IFT25: variants seen among roughly 807,000 people sequenced by gnomAD.
IFT25 encodes the protein intraflagellar transport 25, also known as intraflagellar transport protein 25 homolog.
the IFT25 span, chr1:53,928,382 C>A: frequency 1.9e-6 from 3 of 1,611,898 alleles, no homozygotes; most frequent in Non-Finnish European, 2.5e-6. Flanking sequence ...CTTTTTCAAT[C>A]CATTGCTCAA....
the IFT25 span, among the ~76,000 whole-genome samples, chr1:53,914,418 G>A: frequency 6.6e-5 from 10 of 151,602 alleles, no homozygotes; most frequent in East Asian, 9.7e-4. Context: ...AGTAAAAATC[G>A]CTTTACCCCA....
the IFT25 span, among the ~76,000 whole-genome samples, chr1:53,922,394 CAAAA>C: frequency 2.1e-5 from 2 of 94,696 alleles, no homozygotes; most frequent in Non-Finnish European, 5.0e-5. Flanking sequence ...AATTCCGTCT[CAAAA>C]AAAAAAAAAA....
the IFT25 span, among the ~76,000 whole-genome samples, chr1:53,944,222 A>G: frequency 6.6e-6 from 1 of 152,200 alleles, no homozygotes. Flanking sequence ...AAATCCATAC[A>G]ATGCCAGGCC....
At chr1:53,937,238 TC>T in the IFT25 span, among the ~76,000 whole-genome samples, 1 of 152,128 alleles carries the variant, frequency 6.6e-6, no homozygotes, top group Admixed American at 6.5e-5. Context: ...TGCCTCAGCC[TC>T]CCGAGGAGCT....
At chr1:53,940,168 G>C in the IFT25 span, 1 of 761,860 alleles carries the variant, frequency 1.3e-6, no homozygotes, top group Admixed American at 2.5e-5. Context: ...AACGAAGTGA[G>C]AAGGAAAGGC....
chr1:53,912,454 T>C, the IFT25 span, among the ~76,000 whole-genome samples: 2 of 152,270 alleles, frequency 1.3e-5, no homozygotes, highest in East Asian at 3.9e-4. Context: ...CCAATGACCA[T>C]AACTCAAGGT....
At chr1:53,944,774 TCCCTGA>T in the IFT25 span, among the ~76,000 whole-genome samples, 486 of 152,246 alleles carry the variant, frequency 3.2e-3, 4 homozygotes, top group African/African-American at 0.011. Context: ...TTTTTTACAA[TCCCTGA>T]CCCTGGTATT....
the IFT25 span, chr1:53,923,798 C>A: frequency 0.14 from 108,079 of 755,166 alleles, 10,811 homozygotes; most frequent in African/African-American, 0.45. Context: ...TAGGTACAAA[C>A]CTATAATATC....
the IFT25 span, among the ~76,000 whole-genome samples, chr1:53,941,196 T>A: frequency 6.6e-6 from 1 of 152,158 alleles, no homozygotes; most frequent in Non-Finnish European, 1.5e-5. Flanking sequence ...GGTTTCACCA[T>A]GTTGGCCTGG....
chr1:53,934,009 G>GT, the IFT25 span, among the ~76,000 whole-genome samples: 2 of 151,594 alleles, frequency 1.3e-5, no homozygotes, highest in Non-Finnish European at 2.9e-5. Context: ...CCATAATACA[G>GT]TTTTTTTCAT....
At chr1:53,922,870 ATAAATACAG>A in the IFT25 span, among the ~76,000 whole-genome samples, 1 of 152,262 alleles carries the variant, frequency 6.6e-6, no homozygotes, top group African/African-American at 2.4e-5. Flanking sequence ...CTAGAAGAAA[ATAAATACAG>A]TAAAAGTTTT....
chr1:53,927,580 T>G, the IFT25 span, among the ~76,000 whole-genome samples: 1 of 152,226 alleles, frequency 6.6e-6, no homozygotes, highest in African/African-American at 2.4e-5. Context: ...TCACCTAGTT[T>G]TGTAGGACGG....
At chr1:53,942,989 T>C in the IFT25 span, among the ~76,000 whole-genome samples, 9 of 152,154 alleles carry the variant, frequency 5.9e-5, no homozygotes, top group African/African-American at 1.7e-4. Flanking sequence ...CTATAAACCA[T>C]ATTACATAGA....
the IFT25 span, chr1:53,928,441 C>G: frequency 6.2e-7 from 1 of 1,607,522 alleles, no homozygotes; most frequent in South Asian, 1.1e-5. Flanking sequence ...AAGGTCTGTA[C>G]TAACATTGTA....
At chr1:53,921,677 T>C in the IFT25 span, 3 of 1,608,788 alleles carry the variant, frequency 1.9e-6, no homozygotes, top group Non-Finnish European at 2.6e-6. Flanking sequence ...GAGACTACTG[T>C]TCCTTCTGCA....
At chr1:53,930,792 C>CA in the IFT25 span, among the ~76,000 whole-genome samples, 2 of 152,154 alleles carry the variant, frequency 1.3e-5, no homozygotes, top group African/African-American at 4.8e-5. Flanking sequence ...ACAACTGCTA[C>CA]AATGGCTCAC....
the IFT25 span, among the ~76,000 whole-genome samples, chr1:53,936,260 C>A: frequency 6.6e-6 from 1 of 152,044 alleles, no homozygotes; most frequent in East Asian, 1.9e-4. Flanking sequence ...TGCACTCCAG[C>A]CTAGGCAATA....
At chr1:53,919,379 G>A in the IFT25 span, among the ~76,000 whole-genome samples, 2 of 152,196 alleles carry the variant, frequency 1.3e-5, no homozygotes, top group African/African-American at 4.8e-5. Flanking sequence ...AAAAGCCTGG[G>A]TTAGCCCCCT....
At chr1:53,925,509 C>G in the IFT25 span, among the ~76,000 whole-genome samples, 1 of 149,292 alleles carries the variant, frequency 6.7e-6, no homozygotes, top group Non-Finnish European at 1.5e-5. Flanking sequence ...AAAAAAAATA[C>G]AAAAAATTAG....
Sources: gnomAD v4.1 joint callset for allele counts (sites outside exome capture counted in the v4.1 genomes callset) on GRCh38, gnomAD v4.1.1 for gene constraint, MANE v1.5 for transcripts, NCBI Gene and HGNC (gene_info 2026-07-23, HGNC 2026-07-21) for gene names.